Variants in KIAA0753 observed in about 807,000 individuals in gnomAD.
The protein encoded by KIAA0753 is protein moonraker.
In KIAA0753, 114 loss-of-function variants were observed where a neutral mutation model predicts 116.9. The observed-to-expected ratio is 0.98, with a 90% CI of 0.84 to 1.14. KIAA0753 has a LOEUF of 1.14. KIAA0753 is among the 50% of genes most tolerant of loss of function. The probability of loss-of-function intolerance (pLI) is 0.00; values close to 1 mark genes in which losing one functional copy is unlikely to be tolerated. For synonymous variants in KIAA0753, 405 were observed against 413.1 expected (o/e 0.98, Z 0.24); for missense variants, 1,156 against 1,172.4 (o/e 0.99, Z 0.20).
At chr17:6,590,680 C>T (rs776662481) in intron 16 of KIAA0753, 50 bp from the exon 17 acceptor site, 42 of 1,605,682 alleles carry the variant, frequency 2.6e-5, no homozygotes, top group Non-Finnish European at 3.6e-5. Flanking sequence ...CAGTTGGTGT[C>T]CATTTTAGAG....
chr17:6,611,451 T>C (rs1970539349), intron 8 of KIAA0753, among the ~76,000 whole-genome samples: 1 of 151,914 alleles, frequency 6.6e-6, no homozygotes, highest in Non-Finnish European at 1.5e-5. Context: ...CAAGCATGAG[T>C]TACCACATCT....
intron 1 of KIAA0753, chr17:6,638,830 C>T (rs1176655324): frequency 2.0e-5 from 3 of 152,716 alleles, no homozygotes; most frequent in Admixed American, 6.5e-5. Context: ...GACACTCACA[C>T]AGCCCGTGTC....
In KIAA0753 at chr17:6,625,120, T is replaced by C. The variant is rs185320981; in HGVS notation, c.719-259A>G. On this transcript the variant is annotated intron_variant, in intron 3 of 18. Transcript: ENST00000361413. ...GCTCCCCTCCAGCCAGAATTCCCAC[T>C]GGACAGCGATTTCACTATGAGGCAC... 3.3e-5 allele frequency among the ~76,000 whole-genome samples: 5 copies of C among 152,336 alleles called. No individual in the cohort carries two copies. The East Asian group carries it at 9.6e-4, about 29-fold the overall frequency.
At position 6,629,151 on chromosome 17, in the gene KIAA0753, C is replaced by T. The variant is rs138577198; in HGVS notation, c.94-410G>A. 4.5e-4 allele frequency among the ~76,000 whole-genome samples: 69 copies of T among 152,342 alleles called. No individual in the cohort carries two copies. The East Asian group carries it at 9.8e-3, about 22-fold the overall frequency. ...ATTTGCTCCACGGATAGATCCAAGCCATCTGATAGTACTTCTTCAGGTCTT... is the reference window on the plus strand; with the variant it reads ...ATTTGCTCCACGGATAGATCCAAGCTATCTGATAGTACTTCTTCAGGTCTT... On this transcript the variant is annotated intron_variant, in intron 2 of 18. Coordinates refer to ENST00000361413, the MANE Select transcript of KIAA0753 (RefSeq NM_014804.3).
chr17:6,610,735 G>A (rs1970487209), intron 8 of KIAA0753, among the ~76,000 whole-genome samples: 1 of 151,816 alleles, frequency 6.6e-6, no homozygotes, highest in South Asian at 2.1e-4. Context: ...GTCCAGGCTG[G>A]TCTTGAACTC....
intron 12 of KIAA0753, chr17:6,600,797 G>T: frequency 5.1e-6 from 1 of 194,628 alleles, no homozygotes; most frequent in Non-Finnish European, 1.1e-5. Flanking sequence ...CAGCTAAAGA[G>T]GGTAATCAAC....
intron 8 of KIAA0753, among the ~76,000 whole-genome samples, chr17:6,611,473 T>C (rs185064083): frequency 5.3e-5 from 8 of 152,160 alleles, no homozygotes; most frequent in African/African-American, 1.9e-4. Flanking sequence ...GCTAATTTTG[T>C]TTTTAGTAGA....
chr17:6,637,197 G>A (rs1271206259), intron 1 of KIAA0753: 1 of 152,454 alleles, frequency 6.6e-6, no homozygotes, highest in East Asian at 1.9e-4. Flanking sequence ...CTGCTCCTGA[G>A]GACCCAGTCA....
intron 6 of KIAA0753, 42 bp from the exon 7 acceptor site, chr17:6,621,040 A>C (rs1454091451): frequency 1.9e-6 from 3 of 1,578,334 alleles, no homozygotes; most frequent in East Asian, 4.5e-5. Context: ...TTTATCTCGC[A>C]AAAGTATGAC....
At chr17:6,612,789 A>C (rs1241463261) in intron 7 of KIAA0753, among the ~76,000 whole-genome samples, 2 of 152,176 alleles carry the variant, frequency 1.3e-5, no homozygotes, top group Non-Finnish European at 2.9e-5. Context: ...AATCGTTTGA[A>C]CTCAGGAGAC....
In KIAA0753 at chr17:6,628,873, T is replaced by A. The variant is rs759269389; in HGVS notation, c.94-132A>T. 4 of 828,198 alleles carry A rather than the reference T, an allele frequency of 4.8e-6. No individual in the cohort carries two copies. The African/African-American group carries it at 6.9e-5, about 14-fold the overall frequency. 51.3% of individuals were successfully genotyped at this position (828,198 alleles called of 1,614,324 possible). ...GCTAAGAGGCATTTTTCTGTTTTAC[T>A]GATAGACACAGCCACGCTCCTACAC... On this transcript the variant is annotated intron_variant, in intron 2 of 18. Coordinates refer to ENST00000361413, the MANE Select transcript of KIAA0753 (RefSeq NM_014804.3).
Position 6,589,885 on chromosome 17 carries a change from C to G in KIAA0753, c.2680G>C (p.Gly894Arg), listed in dbSNP as rs747277719. ...TAGTCACCGATGCTGTGCTGCATAC[C>G]CGGTGGGACAAAGAGGGGAGCTCGG... ...EGRAPLFVPPGMQHSIGDYCS... is the reference protein window; with the variant it reads ...EGRAPLFVPPRMQHSIGDYCS... The change falls in exon 18 of 19, where the codon GGT (glycine) becomes CGT (arginine). Residue 894 changes from glycine (G) to arginine (R), a missense_variant. Physicochemically the swap from Gly to Arg is moderately radical, Grantham distance 125 (BLOSUM62 -2). Transcript: ENST00000361413. 1.2e-6 allele frequency: 2 copies of G among 1,613,950 alleles called. No individual in the cohort carries two copies. The highest frequency in any genetic ancestry group is 2.2e-5 in the South Asian group (2 of 91,042).
intron 7 of KIAA0753, among the ~76,000 whole-genome samples, chr17:6,620,325 G>A (rs993078445): frequency 6.6e-6 from 1 of 151,728 alleles, no homozygotes; most frequent in South Asian, 2.1e-4. Context: ...ACTTTTAAGG[G>A]GCAAGTTGGC....
chr17:6,623,480 G>C (rs750729084), intron 5 of KIAA0753, 29 bp downstream of exon 5: 2 of 1,518,742 alleles, frequency 1.3e-6, no homozygotes, highest in Admixed American at 1.7e-5. Flanking sequence ...TTATAAGCAA[G>C]TATTGATCAT....
chr17:6,592,840 A>G (rs1400566127), intron 16 of KIAA0753, among the ~76,000 whole-genome samples: 2 of 152,182 alleles, frequency 1.3e-5, no homozygotes, highest in East Asian at 3.8e-4. Context: ...ATGTCTGTTC[A>G]TAATAAAACA....
intron 2 of KIAA0753, among the ~76,000 whole-genome samples, chr17:6,631,729 G>T (rs1192243538): frequency 6.6e-6 from 1 of 152,004 alleles, no homozygotes; most frequent in African/African-American, 2.4e-5. Flanking sequence ...CCTCTGAGAG[G>T]GCCTAAAACA....
chr17:6,608,540 C>T, intron 9 of KIAA0753, 76 bp from the exon 10 acceptor site: 3 of 681,722 alleles, frequency 4.4e-6, no homozygotes, highest in South Asian at 3.4e-5. Context: ...GGTGCCAGCT[C>T]AGAGATGACA....
rs1307060051 is a variant in KIAA0753 at position 6,579,744 on chromosome 17, C to A, written c.*3G>T. On this transcript the variant is annotated 3_prime_UTR_variant, in exon 19 of 19. Coordinates refer to ENST00000361413, the MANE Select transcript of KIAA0753 (RefSeq NM_014804.3). ...ACACAAATGGCCTCGCCTCAGAGAG[C>A]CTTTATGTAGCAGCCTCTAAGAATT... The A allele has an allele frequency of 1.9e-6, 3 of 1,598,154 alleles. No individual in the cohort carries two copies. The highest frequency in any genetic ancestry group is 2.6e-6 in the Non-Finnish European group (3 of 1,166,130).
At chr17:6,603,669 T>C (rs1049951829) in intron 12 of KIAA0753, among the ~76,000 whole-genome samples, 2 of 152,174 alleles carry the variant, frequency 1.3e-5, no homozygotes, top group Non-Finnish European at 2.9e-5. Flanking sequence ...AGTGAGTTCT[T>C]TGGGATTTCT....
Sources: allele counts gnomAD v4.1 joint callset (sites outside exome capture counted in the v4.1 genomes callset), GRCh38; gene constraint gnomAD v4.1.1; transcripts MANE v1.5; gene names NCBI Gene and HGNC (gene_info 2026-07-23, HGNC 2026-07-21).